PAF1: variants seen among roughly 807,000 people sequenced by gnomAD.
PAF1 encodes the protein PAF1 component of Paf1/RNA polymerase II complex.
In PAF1, 31 loss-of-function variants were observed where a neutral mutation model predicts 68.4. The ratio of observed to expected loss-of-function variants is 0.45; its 90% CI spans 0.34 to 0.61. The LOEUF is 0.61. PAF1 is among the 20% of genes least tolerant of loss of function. The pLI is 0.01. For synonymous variants in PAF1, 256 were observed against 240.5 expected (o/e 1.06, Z -0.60); for missense variants, 435 against 692.9 (o/e 0.63, Z 4.18).
intron 11 of PAF1, among the ~76,000 whole-genome samples, chr19:39,388,128 G>C (rs552232802): frequency 2.0e-5 from 3 of 152,140 alleles, no homozygotes; most frequent in African/African-American, 7.2e-5. Flanking sequence ...GCAACAGAGC[G>C]AGACTCCATC....
Position 39,388,605 on chromosome 19 carries a change from C to G in PAF1, c.812G>C (p.Arg271Pro), listed in dbSNP as rs747480050. Residue 271 changes from arginine to proline, a missense_variant, in exon 10 of 14, where the codon CGA (arginine) becomes CCA (proline). Physicochemically the swap from Arg to Pro is moderately radical, Grantham distance 103. This residue lies in a region of PAF1 where 151 missense variants were observed against 306.3 expected (regional missense o/e 0.49). Transcript: ENST00000221265. ...FLPVEETLKK[R>P]KRDQEEEMDY... ...CATCTCCTCCTCCTGGTCCCGCTTT[C>G]GTTTCTTCAACGTCTCTTCTACAGG... 6.2e-7 allele frequency: 1 copy of G among 1,614,118 alleles called. No homozygotes were observed. The highest frequency in any genetic ancestry group is 8.5e-7 in the Non-Finnish European group (1 of 1,180,022).
chr19:39,390,155 T>TC lies in PAF1; in HGVS notation c.83dup (p.Val29SerfsTer10), dbSNP rs1568375367. Reference sequence around the variant, plus strand: ...TGCAGTACTTGACTCGGCAGACCACTCCAGACCTAGGAACATTAGTGGCTC... The same window carrying TC: ...TGCAGTACTTGACTCGGCAGACCACTCCCAGACCTAGGAACATTAGTGGCTC... On this transcript the variant is annotated frameshift_variant, in exon 3 of 14. Coordinates refer to ENST00000221265, the MANE Select transcript of PAF1 (RefSeq NM_019088.4). LOFTEE classifies it high-confidence loss of function. 6.2e-7 allele frequency: 1 copy of TC among 1,613,878 alleles called. No individual in the cohort carries two copies. The highest frequency in any genetic ancestry group is 1.1e-5 in the South Asian group (1 of 91,050).
chr19:39,390,011 G>A, intron 3 of PAF1, 58 bp downstream of exon 3: 1 of 1,381,038 alleles, frequency 7.2e-7, no homozygotes, highest in Non-Finnish European at 1.0e-6. Context: ...AACGAGACAA[G>A]CAGTCCCTGC....
rs1346257931 is a variant in PAF1, at chr19:39,386,178, T to A, written c.1409A>T (p.Asp470Val). 1.9e-6 allele frequency: 3 copies of A among 1,613,922 alleles called. No homozygotes were observed. Among genetic ancestry groups the A allele is most frequent in the Non-Finnish European group, 2.5e-6 (3 of 1,179,984 alleles). The change falls in exon 14 of 14, where the codon GAC becomes GTC. Residue 470 changes from aspartate (D) to valine (V), a missense_variant. Transcript: ENST00000221265. This position sits in a 1 kb window ranked among gnomAD's most constrained non-coding sequence, Gnocchi z 6.1. Reference sequence around the variant, plus strand: ...ACTGCCACCTTGGGCCTGTCCTCTGTCCTCATCATCAGAGTCGGCATCGTC... The same window carrying A: ...ACTGCCACCTTGGGCCTGTCCTCTGACCTCATCATCAGAGTCGGCATCGTC... ...SEDDADSDDE[D>V]RGQAQGGSDN...
rs769559276 is a variant in PAF1 at position 39,389,241 on chromosome 19, C to T, written c.461+41G>A. On this transcript the variant is annotated intron_variant, in intron 6 of 13. Transcript: ENST00000221265. The surrounding 1 kb of genome is among the most constrained non-coding windows in gnomAD (Gnocchi z 5.3). Reference sequence around the variant, plus strand: ...GGTCCTTAGGGGCCACTGGACACACCTAATATCTCCACCTTCCCTCTCTTC... The same window carrying T: ...GGTCCTTAGGGGCCACTGGACACACTTAATATCTCCACCTTCCCTCTCTTC... 6.2e-7 allele frequency: 1 copy of T among 1,606,908 alleles called. No individual in the cohort carries two copies. The highest frequency in any genetic ancestry group is 1.3e-5 in the African/African-American group (1 of 74,768).
chr19:39,390,912 G>A lies in PAF1; in HGVS notation c.-48C>T, dbSNP rs905978806. 5 of 1,549,114 alleles carry A rather than the reference G, an allele frequency of 3.2e-6. No homozygotes were observed. Among genetic ancestry groups the A allele is most frequent in the South Asian group, 2.4e-5 (2 of 84,258 alleles). On this transcript the variant is annotated 5_prime_UTR_variant, in exon 1 of 14. Coordinates refer to ENST00000221265, the MANE Select transcript of PAF1 (RefSeq NM_019088.4). ...GGACGGGGTCCTAGCGGGACCGAAG[G>A]GGGACGCAGAGGGGCGTGCCGACTT...
Position 39,386,538 on chromosome 19 carries a change from G to A in PAF1, c.1127C>T (p.Pro376Leu), listed in dbSNP as rs761456502. ...CATCTCCTCTTCCTCTTCCTCCTCCGGTTCGTGGTTTTCTAGCTGGGCCTT... is the reference window on the plus strand; with the variant it reads ...CATCTCCTCTTCCTCTTCCTCCTCCAGTTCGTGGTTTTCTAGCTGGGCCTT... Reference protein sequence around the residue: ...ARKAQLENHEPEEEEEEEMET... With the variant: ...ARKAQLENHELEEEEEEEMET... Residue 376 changes from proline (P) to leucine (L), a missense_variant, in exon 13 of 14, where the codon CCG (proline) becomes CTG (leucine). This residue lies in a region of PAF1 where 151 missense variants were observed against 306.3 expected (regional missense o/e 0.49). Coordinates refer to ENST00000221265, the MANE Select transcript of PAF1 (RefSeq NM_019088.4). This position sits in a 1 kb window ranked among gnomAD's most constrained non-coding sequence, Gnocchi z 6.1. 1.5e-5 allele frequency: 25 copies of A among 1,613,862 alleles called. No individual in the cohort carries two copies. The highest frequency in any genetic ancestry group is 3.3e-4 in the Middle Eastern group (2 of 6,084).
In PAF1 at chr19:39,389,737, G is replaced by A. The variant is rs555942261; in HGVS notation, c.195C>T (p.Ser65=). 38 of 1,614,156 alleles carry A rather than the reference G, an allele frequency of 2.4e-5. No homozygotes were observed. The Middle Eastern group carries it at 2.0e-3, about 84-fold the overall frequency. Residue 65 remains serine (S), a synonymous_variant, in exon 4 of 14, where the codon TCC becomes TCT. Coordinates refer to ENST00000221265, the MANE Select transcript of PAF1 (RefSeq NM_019088.4). The surrounding 1 kb of genome is among the most constrained non-coding windows in gnomAD (Gnocchi z 5.3). ...GGTCATGTTTGTGCTGTTTCTCCAA[G>A]GAAGTGGCTTTGTACTGGACGAACC... ...QNRFVQYKAT[S]LEKQHKHDLL...
Position 39,389,335 on chromosome 19 carries a change from G to A in PAF1, c.408C>T (p.Tyr136=). 4 of 1,614,188 alleles carry A rather than the reference G, an allele frequency of 2.5e-6. No individual in the cohort carries two copies. The highest frequency in any genetic ancestry group is 3.4e-6 in the Non-Finnish European group (4 of 1,180,028). The change falls in exon 6 of 14, where the codon TAC becomes TAT. Residue 136 remains tyrosine, a synonymous_variant. Transcript: ENST00000221265. The surrounding 1 kb of genome is among the most constrained non-coding windows in gnomAD (Gnocchi z 5.3). ...CATAACGGTTGAACTCAGTGGAGAT[G>A]TACTCTGTCTTTCGCATCCATGGCA... ...KVVPWMRKTE[Y]ISTEFNRYGI...
At position 39,386,122 on chromosome 19, in the gene PAF1, C is replaced by T. The variant is rs753616653; in HGVS notation, c.1465G>A (p.Gly489Ser). The T allele has an allele frequency of 3.7e-6, 6 of 1,614,050 alleles. No individual in the cohort carries two copies. Among genetic ancestry groups the T allele is most frequent in the Non-Finnish European group, 5.1e-6 (6 of 1,179,998 alleles). ...DNDSDSGSNGGGQRSRSHSRS... is the reference protein window; with the variant it reads ...DNDSDSGSNGSGQRSRSHSRS... ...CTGTGGCTCCGGCTCCGCTGGCCACCCCCATTGCTGCCGCTGTCTGAATCA... is the reference window on the plus strand; with the variant it reads ...CTGTGGCTCCGGCTCCGCTGGCCACTCCCATTGCTGCCGCTGTCTGAATCA... Residue 489 changes from glycine to serine, a missense_variant, in exon 14 of 14, where the codon GGT (glycine) becomes AGT (serine). Around this residue, in one of 7 missense-constraint regions of PAF1, gnomAD observed 83 missense variants for 99.9 expected, o/e 0.83. Transcript: ENST00000221265. The surrounding 1 kb of genome is among the most constrained non-coding windows in gnomAD (Gnocchi z 6.1).
rs1266430356 is a variant in PAF1 at position 39,389,933 on chromosome 19, TAAC to T, written c.170+133_170+135del. 1.8e-5 allele frequency: 20 copies of T among 1,084,196 alleles called. No homozygotes were observed. In the Admixed American group the frequency reaches 3.6e-4, roughly 19 times the overall value. 67.2% of individuals were successfully genotyped at this position (1,084,196 alleles called of 1,614,324 possible). ...GGGACTTGGACACTGCTTGCTCCAT[TAAC>T]AATTGAGCAGCTACTACTATGTGCT... On this transcript the variant is annotated intron_variant, in intron 3 of 13. Transcript: ENST00000221265. This position sits in a 1 kb window ranked among gnomAD's most constrained non-coding sequence, Gnocchi z 5.3.
chr19:39,389,837 C>G lies in PAF1; in HGVS notation c.171-76G>C. 1.3e-6 allele frequency: 2 copies of G among 1,592,420 alleles called. No individual in the cohort carries two copies. The highest frequency in any genetic ancestry group is 1.7e-6 in the Non-Finnish European group (2 of 1,162,456). On this transcript the variant is annotated intron_variant, in intron 3 of 13. Transcript: ENST00000221265. The surrounding 1 kb of genome is among the most constrained non-coding windows in gnomAD (Gnocchi z 5.3). Reference sequence around the variant, plus strand: ...ACAGCCCTGCTTCCCAGAGGCGGAGCTTCTCTGGGGAGGAACTCAGAATGA... The same window carrying G: ...ACAGCCCTGCTTCCCAGAGGCGGAGGTTCTCTGGGGAGGAACTCAGAATGA...
rs1309682943 is a variant in PAF1, at chr19:39,386,370, T to A, written c.1217A>T (p.Lys406Met). The A allele has an allele frequency of 6.2e-7, 1 of 1,613,998 alleles. No individual in the cohort carries two copies. The highest frequency in any genetic ancestry group is 8.5e-7 in the Non-Finnish European group (1 of 1,180,020). ...EEQEKGSSSE[K>M]EGSEDEHSGS... ...CGAGTGCTCATCTTCACTGCCCTCC[T>A]TCTCACTGCTGCTGCCCTTCTCCTG... The change falls in exon 14 of 14, where the codon AAG (lysine) becomes ATG (methionine). Residue 406 changes from lysine to methionine, a missense_variant. Around this residue, in one of 7 missense-constraint regions of PAF1, gnomAD observed 78 missense variants for 80.6 expected, o/e 0.97. Coordinates refer to ENST00000221265, the MANE Select transcript of PAF1 (RefSeq NM_019088.4). The surrounding 1 kb of genome is among the most constrained non-coding windows in gnomAD (Gnocchi z 6.1).
chr19:39,386,550 T>C lies in PAF1; in HGVS notation c.1115A>G (p.Glu372Gly). 1 of 1,614,208 alleles carries C rather than the reference T, an allele frequency of 6.2e-7. No homozygotes were observed. ...CTCTTCCTCCTCCGGTTCGTGGTTT[T>C]CTAGCTGGGCCTTCCGTGCCTCCTG... The part of the protein sequence containing the change: ...EAQEARKAQL[E>G]NHEPEEEEEE... Residue 372 changes from glutamate to glycine, a missense_variant, in exon 13 of 14, where the codon GAA (glutamate) becomes GGA (glycine). By Grantham distance (98) the Glu-to-Gly change is moderately conservative. Transcript: ENST00000221265. The surrounding 1 kb of genome is among the most constrained non-coding windows in gnomAD (Gnocchi z 6.1).
intron 11 of PAF1, among the ~76,000 whole-genome samples, chr19:39,387,714 T>G (rs971804004): frequency 6.6e-6 from 1 of 152,230 alleles, no homozygotes; most frequent in South Asian, 2.1e-4. Flanking sequence ...AAGCATTTCA[T>G]TTAAAACATT....
In PAF1 at chr19:39,389,727, GT is replaced by G; in HGVS notation, c.204del (p.Lys68AsnfsTer8). On this transcript the variant is annotated frameshift_variant, in exon 4 of 14. Transcript: ENST00000221265. LOFTEE classifies it high-confidence loss of function. The surrounding 1 kb of genome is among the most constrained non-coding windows in gnomAD (Gnocchi z 5.3). ...TCAGTCAGGAGGTCATGTTTGTGCT[GT>G]TTCTCCAAGGAAGTGGCTTTGTACT... The part of the protein sequence containing the change: ...FVQYKATSLE[K>X]QHKHDLLTEP... 1.2e-6 allele frequency: 2 copies of G among 1,614,148 alleles called. No individual in the cohort carries two copies. The highest frequency in any genetic ancestry group is 1.7e-6 in the Non-Finnish European group (2 of 1,179,994).
chr19:39,390,576 G>T (rs372022712), intron 1 of PAF1, among the ~76,000 whole-genome samples: 1 of 152,206 alleles, frequency 6.6e-6, no homozygotes, highest in Non-Finnish European at 1.5e-5. Context: ...ATCGTCTTCG[G>T]AAGAGGGGTC....
In PAF1 at chr19:39,386,165, G is replaced by A. The variant is rs774404003; in HGVS notation, c.1422C>T (p.Ala474=). 9 of 1,614,112 alleles carry A rather than the reference G, an allele frequency of 5.6e-6. No individual in the cohort carries two copies. Among genetic ancestry groups the A allele is most frequent in the Admixed American group, 1.7e-5 (1 of 60,022 alleles). Residue 474 remains alanine, a synonymous_variant, in exon 14 of 14, where the codon GCC becomes GCT. Transcript: ENST00000221265. This position sits in a 1 kb window ranked among gnomAD's most constrained non-coding sequence, Gnocchi z 6.1. ...CTGAATCATTGTCACTGCCACCTTG[G>A]GCCTGTCCTCTGTCCTCATCATCAG... ...ADSDDEDRGQ[A]QGGSDNDSDS...
chr19:39,390,457 AATTT>A (rs1330668106), intron 1 of PAF1, among the ~76,000 whole-genome samples, 168 bp from the exon 2 acceptor site: 1 of 152,196 alleles, frequency 6.6e-6, no homozygotes, highest in African/African-American at 2.4e-5. Flanking sequence ...ACAAATGTTC[AATTT>A]ATTTAGGAAG....
Sources: gnomAD v4.1 joint callset for allele counts (sites outside exome capture counted in the v4.1 genomes callset) on GRCh38, gnomAD v4.1.1 for gene constraint, gnomAD v4.1.1 regional missense constraint, Gnocchi (gnomAD v3.1) non-coding constraint, MANE v1.5 for transcripts, NCBI Gene and HGNC (gene_info 2026-07-23, HGNC 2026-07-21) for gene names.